ANO10: variants seen among roughly 807,000 people sequenced by gnomAD.
The protein encoded by ANO10 is anoctamin-10.
In ANO10, 77 loss-of-function variants were observed where a neutral mutation model predicts 74.7. The ratio of observed to expected loss-of-function variants is 1.03; its 90% CI spans 0.86 to 1.25. The LOEUF (loss-of-function observed/expected upper bound fraction) is 1.25. ANO10 is among the 50% of genes most tolerant of loss of function. The pLI, the probability that ANO10 is intolerant of heterozygous loss-of-function variation, is 0.00. For missense variants in ANO10, 721 were observed against 778.1 expected (o/e 0.93, Z 0.87); for synonymous variants, 279 against 284.9 (o/e 0.98, Z 0.21).
At chr3:43,392,066 A>G (rs2092285975) in intron 12 of ANO10, among the ~76,000 whole-genome samples, 1 of 152,154 alleles carries the variant, frequency 6.6e-6, no homozygotes, top group South Asian at 2.1e-4. Context: ...GTAATAAAGT[A>G]TCACAGGGTC....
chr3:43,401,641 A>G (rs2092483564), intron 12 of ANO10, among the ~76,000 whole-genome samples: 1 of 152,258 alleles, frequency 6.6e-6, no homozygotes, highest in African/African-American at 2.4e-5. Context: ...AAATTAATGA[A>G]TTAAAATCGG....
intron 4 of ANO10, among the ~76,000 whole-genome samples, chr3:43,597,235 C>T (rs2082131865): frequency 6.6e-6 from 1 of 152,126 alleles, no homozygotes. Context: ...CTAGAAATAC[C>T]ATTTGACCCA....
At chr3:43,639,441 T>G (rs56227610) in intron 1 of ANO10, among the ~76,000 whole-genome samples, 3,124 of 152,260 alleles carry the variant, frequency 0.021, 102 homozygotes, top group African/African-American at 0.07. Context: ...ACAACTAAAA[T>G]AAGTTGAAGA....
intron 7 of ANO10, among the ~76,000 whole-genome samples, chr3:43,566,839 C>G (rs899647382): frequency 2.0e-5 from 3 of 152,234 alleles, no homozygotes; most frequent in African/African-American, 7.2e-5. Context: ...TGGAGAATAA[C>G]TTTGACGAGC....
chr3:43,679,247 C>T (rs1198841491), intron 1 of ANO10, among the ~76,000 whole-genome samples: 1 of 152,198 alleles, frequency 6.6e-6, no homozygotes, highest in Non-Finnish European at 1.5e-5. Flanking sequence ...CACCCTAATA[C>T]TGCACTTTTC....
At chr3:43,400,517 A>T (rs533413346) in intron 12 of ANO10, among the ~76,000 whole-genome samples, 1 of 152,168 alleles carries the variant, frequency 6.6e-6, no homozygotes, top group Admixed American at 6.5e-5. Context: ...GCTCATACCT[A>T]TATTCCCAAC....
chr3:43,459,704 CA>C (rs1370216847), intron 11 of ANO10, among the ~76,000 whole-genome samples: 1 of 152,126 alleles, frequency 6.6e-6, no homozygotes, highest in East Asian at 1.9e-4. Flanking sequence ...TCCAACCATT[CA>C]AGGGGGAAAG....
rs749331668 is a variant in ANO10, at chr3:43,577,243, A to C, written c.611T>G (p.Phe204Cys). The change falls in exon 6 of 13, where the codon TTT (phenylalanine) becomes TGT (cysteine). Residue 204 changes from phenylalanine to cysteine, a missense_variant. Transcript: ENST00000292246. ...YQPIDSIRGY[F>C]GETIALYFGF... Reference sequence around the variant, plus strand: ...AAAGTACAGAGCAATTGTTTCCCCAAAGTAGCCACGAATACTGTCTATAGT... The same window carrying C: ...AAAGTACAGAGCAATTGTTTCCCCACAGTAGCCACGAATACTGTCTATAGT... 2 of 1,614,076 alleles carry C rather than the reference A, an allele frequency of 1.2e-6. No homozygotes were observed. Among genetic ancestry groups the C allele is most frequent in the Non-Finnish European group, 1.7e-6 (2 of 1,180,010 alleles).
At chr3:43,399,277 T>G (rs1162401618) in intron 12 of ANO10, among the ~76,000 whole-genome samples, 4 of 152,270 alleles carry the variant, frequency 2.6e-5, no homozygotes, top group African/African-American at 9.6e-5. Flanking sequence ...GAATCTATTT[T>G]GACAATCATG....
intron 9 of ANO10, among the ~76,000 whole-genome samples, chr3:43,557,354 G>A (rs896255891): frequency 1.2e-4 from 18 of 152,132 alleles, no homozygotes; most frequent in Admixed American, 2.6e-4. Context: ...CTTGAAAAAC[G>A]GCAAGGAGGT....
chr3:43,663,332 A>C (rs1575584614), intron 1 of ANO10, among the ~76,000 whole-genome samples: 1 of 152,354 alleles, frequency 6.6e-6, no homozygotes, highest in East Asian at 1.9e-4. Flanking sequence ...CTTCAACAAA[A>C]TTCAAGAGCC....
intron 4 of ANO10, among the ~76,000 whole-genome samples, chr3:43,591,080 T>G (rs2081723687): frequency 6.6e-6 from 1 of 152,206 alleles, no homozygotes; most frequent in African/African-American, 2.4e-5. Context: ...CAACCCCCTT[T>G]GGGTCCCCTG....
chr3:43,578,575 C>A (rs2081118266), intron 5 of ANO10, among the ~76,000 whole-genome samples: 1 of 151,958 alleles, frequency 6.6e-6, no homozygotes, highest in South Asian at 2.1e-4. Context: ...CATGGGGAAA[C>A]CCCGTCTCTA....
At chr3:43,459,323 G>A (rs979424160) in intron 11 of ANO10, among the ~76,000 whole-genome samples, 4 of 152,148 alleles carry the variant, frequency 2.6e-5, no homozygotes, top group African/African-American at 9.7e-5. Flanking sequence ...TCTACCTGAT[G>A]CACTTCCCTA....
At chr3:43,649,720 C>T (rs988691879) in intron 1 of ANO10, among the ~76,000 whole-genome samples, 15 of 152,198 alleles carry the variant, frequency 9.9e-5, no homozygotes, top group African/African-American at 3.6e-4. Context: ...GATCCAAACT[C>T]AGGCTAAGCC....
intron 1 of ANO10, among the ~76,000 whole-genome samples, chr3:43,679,985 A>G (rs1474371204): frequency 2.6e-5 from 4 of 152,318 alleles, no homozygotes; most frequent in East Asian, 3.9e-4. Context: ...AAAGATGGGG[A>G]AAAAACAGAG....
At chr3:43,584,086 G>A (rs1248784832) in intron 4 of ANO10, among the ~76,000 whole-genome samples, 1 of 152,188 alleles carries the variant, frequency 6.6e-6, no homozygotes, top group Non-Finnish European at 1.5e-5. Flanking sequence ...TAAGCACTAG[G>A]AGAAGGCAGA....
At chr3:43,573,535 G>A (rs541897747) in intron 7 of ANO10, among the ~76,000 whole-genome samples, 119 of 152,162 alleles carry the variant, frequency 7.8e-4, no homozygotes, top group Non-Finnish European at 1.2e-3. Context: ...TAAAGTACAC[G>A]GACTGTGTTA....
At chr3:43,438,804 A>G (rs2093115606) in intron 11 of ANO10, among the ~76,000 whole-genome samples, 1 of 152,182 alleles carries the variant, frequency 6.6e-6, no homozygotes, top group Non-Finnish European at 1.5e-5. Context: ...AAGCAGAAAA[A>G]AAGAATCAGT....
Sources: allele counts gnomAD v4.1 joint callset (sites outside exome capture counted in the v4.1 genomes callset), GRCh38; gene constraint gnomAD v4.1.1; transcripts MANE v1.5; gene names NCBI Gene and HGNC (gene_info 2026-07-23, HGNC 2026-07-21).